The following CAMTA1 variants were observed in gnomAD, a reference collection of about 807,000 sequenced individuals.
CAMTA1 encodes calmodulin binding transcription activator 1.
In CAMTA1, 27 loss-of-function variants were observed where a neutral mutation model predicts 170.9. That is an observed-to-expected ratio of 0.16 (90% CI 0.12 to 0.22). CAMTA1 has a LOEUF of 0.22. Among genes scored for constraint, CAMTA1 ranks in the 10% least tolerant of loss-of-function variants. The pLI, the probability that CAMTA1 is intolerant of heterozygous loss-of-function variation, is 1.00. For synonymous variants in CAMTA1, 833 were observed against 891.5 expected (o/e 0.93, Z 1.17); for missense variants, 1,619 against 2,217.2 (o/e 0.73, Z 5.42).
Position 7,680,473 on chromosome 1 carries a change from C to A in CAMTA1, c.2914+2740C>A, listed in dbSNP as rs1050974828. 2.6e-5 allele frequency among the ~76,000 whole-genome samples: 4 copies of A among 151,866 alleles called. No individual in the cohort carries two copies. The highest frequency in any genetic ancestry group is 9.7e-5 in the African/African-American group (4 of 41,408). ...ACACTCTCTCCCACGCGCGCGCCCT[C>A]CCGCCGACGCGCAGCCGCAATGCGG... On this transcript the variant is annotated intron_variant, in intron 11 of 22. Coordinates refer to ENST00000303635, the MANE Select transcript of CAMTA1 (RefSeq NM_015215.4). This position sits in a 1 kb window ranked among gnomAD's most constrained non-coding sequence, Gnocchi z 4.4.
chr1:7,422,861 T>G (rs1292500620), intron 5 of CAMTA1, among the ~76,000 whole-genome samples: 1 of 152,252 alleles, frequency 6.6e-6, no homozygotes, highest in Non-Finnish European at 1.5e-5. Flanking sequence ...CCATTGGCTC[T>G]TAGAGACTGG....
At chr1:7,402,462 C>G (rs896221058) in intron 5 of CAMTA1, among the ~76,000 whole-genome samples, 1 of 152,216 alleles carries the variant, frequency 6.6e-6, no homozygotes, top group African/African-American at 2.4e-5. Flanking sequence ...AGCACTGTCC[C>G]CCAGCTTGGG....
At chr1:6,937,535 AT>A (rs1293155638) in intron 3 of CAMTA1, among the ~76,000 whole-genome samples, 9 of 45,238 alleles carry the variant, frequency 2.0e-4, no homozygotes, top group African/African-American at 3.0e-4. Context: ...CACCATCACC[AT>A]TCACCACTTA....
chr1:7,489,112 A>G (rs1412497010), intron 6 of CAMTA1, among the ~76,000 whole-genome samples: 1 of 152,210 alleles, frequency 6.6e-6, no homozygotes, highest in Non-Finnish European at 1.5e-5. Context: ...CCGTGGCCTC[A>G]CATGCAAGAA....
At chr1:6,927,256 T>C (rs995680462) in intron 3 of CAMTA1, among the ~76,000 whole-genome samples, 1 of 152,106 alleles carries the variant, frequency 6.6e-6, no homozygotes, top group Non-Finnish European at 1.5e-5. Flanking sequence ...AGGCTGATCT[T>C]GAACTGGCCT....
At chr1:7,527,013 G>A (rs960294526) in intron 6 of CAMTA1, among the ~76,000 whole-genome samples, 36 of 152,080 alleles carry the variant, frequency 2.4e-4, no homozygotes, top group African/African-American at 8.2e-4. Context: ...CCACCCCCAC[G>A]GCTATCACCG....
intron 5 of CAMTA1, among the ~76,000 whole-genome samples, chr1:7,374,667 G>A (rs918271386): frequency 2.6e-5 from 4 of 152,206 alleles, no homozygotes; most frequent in African/African-American, 4.8e-5. Flanking sequence ...GGAAGCAGGC[G>A]TGCGGCACCC....
chr1:7,581,913 C>T (rs2095263996), intron 6 of CAMTA1, among the ~76,000 whole-genome samples: 1 of 152,198 alleles, frequency 6.6e-6, no homozygotes, highest in African/African-American at 2.4e-5. Context: ...GTGTTCCTTG[C>T]ATGGCTGTTG....
At chr1:7,552,572 C>T (rs2094817729) in intron 6 of CAMTA1, among the ~76,000 whole-genome samples, 1 of 152,250 alleles carries the variant, frequency 6.6e-6, no homozygotes, top group Non-Finnish European at 1.5e-5. Flanking sequence ...GAAGCTGGCT[C>T]GCCTGGGCTT....
At chr1:7,345,519 A>G (rs762606753) in intron 5 of CAMTA1, among the ~76,000 whole-genome samples, 12 of 152,154 alleles carry the variant, frequency 7.9e-5, no homozygotes, top group Non-Finnish European at 1.5e-4. Flanking sequence ...TACTTTGAAG[A>G]CTTTCAGAGT....
At chr1:6,869,158 G>A (rs2148969425) in intron 3 of CAMTA1, among the ~76,000 whole-genome samples, 1 of 152,330 alleles carries the variant, frequency 6.6e-6, no homozygotes, top group Admixed American at 6.5e-5. Flanking sequence ...TGAGCTGACT[G>A]TGCCTTATTG....
chr1:7,477,234 T>TA (rs2093435167), intron 6 of CAMTA1, among the ~76,000 whole-genome samples: 1 of 152,254 alleles, frequency 6.6e-6, no homozygotes, highest in Admixed American at 6.5e-5. Context: ...TCTGGACTAG[T>TA]AAACGGCAAA....
chr1:7,737,181 G>T, intron 14 of CAMTA1, 74 bp from the exon 15 acceptor site: 1 of 1,482,358 alleles, frequency 6.7e-7, no homozygotes, highest in Non-Finnish European at 9.3e-7. Context: ...TTTGTCAGTT[G>T]GCAGCAATGG....
chr1:7,711,490 G>GA (rs1287490807), intron 11 of CAMTA1, among the ~76,000 whole-genome samples: 2 of 152,150 alleles, frequency 1.3e-5, no homozygotes, highest in African/African-American at 2.4e-5. Context: ...TAGTCCTAAA[G>GA]AAAACACCAT....
chr1:7,276,303 A>ATATATATATATATATTTTTT, intron 5 of CAMTA1, among the ~76,000 whole-genome samples: 4 of 24,226 alleles, frequency 1.7e-4, no homozygotes, highest in African/African-American at 5.9e-4. Context: ...ATATATATAT[A>ATATATATATATATATTTTTT]TTTTTTTTTT....
intron 3 of CAMTA1, among the ~76,000 whole-genome samples, chr1:6,837,771 AATT>A (rs1184919538): frequency 6.6e-6 from 1 of 152,114 alleles, no homozygotes; most frequent in Non-Finnish European, 1.5e-5. Flanking sequence ...TAAATGCTTT[AATT>A]ATTATTAATC....
At position 7,443,031 on chromosome 1, in the gene CAMTA1, T is replaced by C. The variant is rs1388981154; in HGVS notation, c.439-24799T>C. Among the ~76,000 whole-genome samples the C allele has an allele frequency of 6.6e-6, 1 of 151,588 alleles. No individual in the cohort carries two copies. The highest frequency in any genetic ancestry group is 1.9e-4 in the East Asian group (1 of 5,190). On this transcript the variant is annotated intron_variant, in intron 5 of 22. Coordinates refer to ENST00000303635, the MANE Select transcript of CAMTA1 (RefSeq NM_015215.4). This position sits in a 1 kb window ranked among gnomAD's most constrained non-coding sequence, Gnocchi z 4.1. ...GTCTTTGAACACTTCTTCCTGCCTG[T>C]GGTCTCTCCTTGCCCCTGCGCAGAT...
At chr1:6,915,927 T>G (rs1343138231) in intron 3 of CAMTA1, among the ~76,000 whole-genome samples, 2 of 152,122 alleles carry the variant, frequency 1.3e-5, no homozygotes, top group Admixed American at 1.3e-4. Flanking sequence ...GGGGGACTGA[T>G]CCCCTGGGGT....
chr1:7,246,478 G>C (rs7543228), intron 4 of CAMTA1, among the ~76,000 whole-genome samples: 82,893 of 151,240 alleles, frequency 0.55, 23,448 homozygotes, highest in South Asian at 0.69. Context: ...CTGTTATCCT[G>C]TCTGCCTGCA....
Sources: gnomAD v4.1 joint callset for allele counts (sites outside exome capture counted in the v4.1 genomes callset) on GRCh38, gnomAD v4.1.1 for gene constraint, Gnocchi (gnomAD v3.1) non-coding constraint, MANE v1.5 for transcripts, NCBI Gene and HGNC (gene_info 2026-07-23, HGNC 2026-07-21) for gene names.